The following ADAMTS17 variants were observed in gnomAD, a reference collection of about 807,000 sequenced individuals.
ADAMTS17 encodes the protein A disintegrin and metalloproteinase with thrombospondin motifs 17.
A neutral mutation model predicts 141.5 loss-of-function variants in ADAMTS17; 113 were observed. That is an observed-to-expected ratio of 0.80 (90% CI 0.69 to 0.93). The LOEUF (loss-of-function observed/expected upper bound fraction) is 0.93. Among genes scored for constraint, ADAMTS17 ranks in the 40% least tolerant of loss-of-function variants. The pLI, the probability that ADAMTS17 is intolerant of heterozygous loss-of-function variation, is 0.00. For missense variants in ADAMTS17, 1,659 were observed against 1,517.9 expected (o/e 1.09, Z -1.54); for synonymous variants, 768 against 630.6 (o/e 1.22, Z -3.27).
In ADAMTS17 at chr15:100,294,411, C is replaced by CA. The variant is rs910459280; in HGVS notation, c.617-13011dup. On this transcript the variant is annotated intron_variant, in intron 3 of 21. Transcript: ENST00000268070. ...TCTCTCCTAGGGCCACCCTCCATCACAAAAAAAATGAATTGGAACTGATAC... is the reference window on the plus strand; with the variant it reads ...TCTCTCCTAGGGCCACCCTCCATCACAAAAAAAAATGAATTGGAACTGATAC... Among the ~76,000 whole-genome samples the CA allele has an allele frequency of 2.0e-4, 31 of 151,656 alleles. 1 individual carries two copies. Among genetic ancestry groups the CA allele is most frequent in the Admixed American group, 7.2e-4 (11 of 15,258 alleles).
chr15:100,092,774 C>T (rs1474694572), intron 15 of ADAMTS17, among the ~76,000 whole-genome samples: 1 of 152,130 alleles, frequency 6.6e-6, no homozygotes, highest in East Asian at 1.9e-4. Flanking sequence ...AAGGTTCTCG[C>T]AAGAACACAA....
At chr15:100,292,524 G>C (rs2044679429) in intron 3 of ADAMTS17, among the ~76,000 whole-genome samples, 1 of 151,324 alleles carries the variant, frequency 6.6e-6, no homozygotes, top group Non-Finnish European at 1.5e-5. Context: ...AATTATGAGA[G>C]ACACTCACCC....
At chr15:100,073,296 C>T (rs990355167) in intron 15 of ADAMTS17, among the ~76,000 whole-genome samples, 17 of 152,184 alleles carry the variant, frequency 1.1e-4, no homozygotes, top group African/African-American at 4.1e-4. Context: ...GAAATAGGAA[C>T]ACTTTTACAC....
At position 100,330,983 on chromosome 15, in the gene ADAMTS17, A is replaced by C; in HGVS notation, c.522T>G (p.Ser174Arg). 1 of 1,614,154 alleles carries C rather than the reference A, an allele frequency of 6.2e-7. No individual in the cohort carries two copies. Among genetic ancestry groups the C allele is most frequent in the Non-Finnish European group, 8.5e-7 (1 of 1,180,030 alleles). ...QPLNNSQGPF[S>R]GREHLIRRKW... ...TGCGCCTGATCAGATGTTCTCGTCCACTGAATGGGCCCTGGGAGTTGTTGA... is the reference window on the plus strand; with the variant it reads ...TGCGCCTGATCAGATGTTCTCGTCCCCTGAATGGGCCCTGGGAGTTGTTGA... The change falls in exon 3 of 22, where the codon AGT becomes AGG. Residue 174 changes from serine to arginine, a missense_variant. Physicochemically the swap from Ser to Arg is moderately radical, Grantham distance 110. Transcript: ENST00000268070.
chr15:100,113,217 G>A (rs987436176), intron 13 of ADAMTS17, among the ~76,000 whole-genome samples: 1 of 152,216 alleles, frequency 6.6e-6, no homozygotes, highest in Non-Finnish European at 1.5e-5. Flanking sequence ...TTCAGATGCA[G>A]AGAGGTCATG....
intron 7 of ADAMTS17, among the ~76,000 whole-genome samples, chr15:100,218,186 T>A (rs979602724): frequency 6.6e-6 from 1 of 152,232 alleles, no homozygotes; most frequent in African/African-American, 2.4e-5. Context: ...CAGACGATTT[T>A]AAATTTTCTC....
intron 18 of ADAMTS17, among the ~76,000 whole-genome samples, chr15:100,038,433 C>T (rs187603035): frequency 9.2e-5 from 14 of 152,264 alleles, no homozygotes; most frequent in Admixed American, 4.6e-4. Context: ...AGAGATTGCA[C>T]TAAATCTATA....
intron 7 of ADAMTS17, among the ~76,000 whole-genome samples, chr15:100,247,910 G>A (rs28432342): frequency 0.032 from 4,861 of 152,046 alleles, 261 homozygotes; most frequent in African/African-American, 0.11. Flanking sequence ...CCACCCACAC[G>A]CTCTTCCTCA....
chr15:100,016,748 C>A (rs1159933727), intron 18 of ADAMTS17, among the ~76,000 whole-genome samples: 1 of 152,200 alleles, frequency 6.6e-6, no homozygotes, highest in African/African-American at 2.4e-5. Context: ...TAGATACCAG[C>A]ACCTGTTCCA....
chr15:100,070,329 T>A (rs2033876003), intron 15 of ADAMTS17, among the ~76,000 whole-genome samples: 1 of 149,144 alleles, frequency 6.7e-6, no homozygotes, highest in South Asian at 2.1e-4. Flanking sequence ...ATTAGACAGA[T>A]CAACGAGTCA....
At position 100,152,737 on chromosome 15, in the gene ADAMTS17, C is replaced by G. The variant is rs2039234005; in HGVS notation, c.1348G>C (p.Val450Leu). The G allele has an allele frequency of 1.2e-6, 2 of 1,614,208 alleles. No homozygotes were observed. Among genetic ancestry groups the G allele is most frequent in the Non-Finnish European group, 1.7e-6 (2 of 1,180,046 alleles). Residue 450 changes from valine to leucine, a missense_variant, in exon 10 of 22, where the codon GTC (valine) becomes CTC (leucine). By Grantham distance (32) the Val-to-Leu change is conservative. Transcript: ENST00000268070. Reference sequence around the variant, plus strand: ...GTGTGCTGGCTTCTGGGGTCCGTGACTAGCAAGCAGGTGCTGACTTTTGAC... The same window carrying G: ...GTGTGCTGGCTTCTGGGGTCCGTGAGTAGCAAGCAGGTGCTGACTTTTGAC... Reference protein sequence around the residue: ...LKSKVSTCLLVTDPRSQHTVR... With the variant: ...LKSKVSTCLLLTDPRSQHTVR...
chr15:100,044,621 C>T (rs535678126), intron 18 of ADAMTS17, among the ~76,000 whole-genome samples: 3 of 152,202 alleles, frequency 2.0e-5, no homozygotes, highest in South Asian at 4.1e-4. Context: ...ACATTCTTTT[C>T]TTCTAATTCC....
At chr15:100,115,998 A>G (rs1414747206) in intron 13 of ADAMTS17, among the ~76,000 whole-genome samples, 1 of 152,128 alleles carries the variant, frequency 6.6e-6, no homozygotes, top group East Asian at 1.9e-4. Context: ...TCTTCTGCAC[A>G]GCTTGTTTTG....
intron 18 of ADAMTS17, among the ~76,000 whole-genome samples, chr15:100,025,894 T>G (rs1329129987): frequency 6.6e-6 from 1 of 152,168 alleles, no homozygotes; most frequent in African/African-American, 2.4e-5. Context: ...TAGGTTTTTG[T>G]TTTTGTTTTA....
At chr15:100,046,937 C>T (rs1390819754) in intron 18 of ADAMTS17, among the ~76,000 whole-genome samples, 2 of 152,190 alleles carry the variant, frequency 1.3e-5, no homozygotes, top group Admixed American at 1.3e-4. Context: ...TAAACTCTGA[C>T]TGCCGGTGAG....
At chr15:100,190,400 T>A (rs561622565) in intron 8 of ADAMTS17, among the ~76,000 whole-genome samples, 59 of 152,278 alleles carry the variant, frequency 3.9e-4, no homozygotes, top group African/African-American at 1.4e-3. Flanking sequence ...CTCAAACAGA[T>A]GGAGATGAGA....
intron 3 of ADAMTS17, among the ~76,000 whole-genome samples, chr15:100,300,160 T>C (rs1596475549): frequency 6.6e-6 from 1 of 152,058 alleles, no homozygotes; most frequent in African/African-American, 2.4e-5. Flanking sequence ...CCCAGGGCTG[T>C]TTACAGTCAG....
intron 14 of ADAMTS17, among the ~76,000 whole-genome samples, chr15:100,098,107 C>T (rs777750211): frequency 6.6e-6 from 1 of 152,092 alleles, no homozygotes; most frequent in Non-Finnish European, 1.5e-5. Flanking sequence ...CTTTAGTGGC[C>T]AGAGGACAGC....
chr15:100,007,817 G>C (rs934025843), intron 18 of ADAMTS17, among the ~76,000 whole-genome samples: 2 of 152,082 alleles, frequency 1.3e-5, no homozygotes, highest in Non-Finnish European at 2.9e-5. Flanking sequence ...GAGACATAGG[G>C]CTGGAAAGTC....
Sources: allele counts gnomAD v4.1 joint callset (sites outside exome capture counted in the v4.1 genomes callset), GRCh38; gene constraint gnomAD v4.1.1; transcripts MANE v1.5; gene names NCBI Gene and HGNC (gene_info 2026-07-23, HGNC 2026-07-21).